Variants in ERBB4 observed in about 807,000 individuals in gnomAD.
ERBB4 encodes receptor tyrosine-protein kinase erbB-4.
A neutral mutation model predicts 158.0 loss-of-function variants in ERBB4; 42 were observed. That is an observed-to-expected ratio of 0.27 (90% CI 0.21 to 0.34). The LOEUF (loss-of-function observed/expected upper bound fraction) is 0.34. Among genes scored for constraint, ERBB4 ranks in the 10% least tolerant of loss-of-function variants. The pLI, the probability that ERBB4 is intolerant of heterozygous loss-of-function variation, is 1.00. For missense variants in ERBB4, 1,333 were observed against 1,624.1 expected (o/e 0.82, Z 3.08); for synonymous variants, 583 against 558.7 (o/e 1.04, Z -0.61).
chr2:212,221,058 C>A (rs1176242030), intron 1 of ERBB4, among the ~76,000 whole-genome samples: 1 of 151,460 alleles, frequency 6.6e-6, no homozygotes, highest in African/African-American at 2.4e-5. Flanking sequence ...TACTTAGAGA[C>A]TTCTGAAAGA....
intron 1 of ERBB4, among the ~76,000 whole-genome samples, chr2:212,388,248 A>T (rs1324211174): frequency 1.3e-5 from 2 of 152,170 alleles, no homozygotes; most frequent in African/African-American, 2.4e-5. Context: ...GTAGCTGTTA[A>T]CTCAGAAGTA....
chr2:212,425,667 T>G (rs1180513653), intron 1 of ERBB4, among the ~76,000 whole-genome samples: 2 of 151,914 alleles, frequency 1.3e-5, no homozygotes, highest in East Asian at 3.9e-4. Context: ...AAATTCATCA[T>G]TCCTCCATCT....
At chr2:211,513,374 A>AC (rs2065935660) in intron 20 of ERBB4, among the ~76,000 whole-genome samples, 1 of 75,882 alleles carries the variant, frequency 1.3e-5, no homozygotes, top group African/African-American at 4.1e-5. Context: ...AAAAAAAAAA[A>AC]AACAAAAAAA....
At chr2:212,151,504 G>A (rs2080868462) in intron 1 of ERBB4, among the ~76,000 whole-genome samples, 1 of 151,460 alleles carries the variant, frequency 6.6e-6, no homozygotes, top group Non-Finnish European at 1.5e-5. Flanking sequence ...CAAGATTTGA[G>A]TGGGAATTTT....
At chr2:211,412,309 TG>T (rs1436470888) in intron 25 of ERBB4, among the ~76,000 whole-genome samples, 9 of 152,216 alleles carry the variant, frequency 5.9e-5, no homozygotes, top group African/African-American at 2.2e-4. Context: ...TCTTCACCTT[TG>T]TTTGTGGTGG....
At chr2:212,169,516 C>T (rs1475909703) in intron 1 of ERBB4, among the ~76,000 whole-genome samples, 1 of 152,024 alleles carries the variant, frequency 6.6e-6, no homozygotes, top group Non-Finnish European at 1.5e-5. Flanking sequence ...CAACTCAAGA[C>T]AGATTAAAGA....
At chr2:212,114,138 T>C (rs111368323) in intron 2 of ERBB4, among the ~76,000 whole-genome samples, 2 of 152,272 alleles carry the variant, frequency 1.3e-5, no homozygotes, top group Admixed American at 6.5e-5. Context: ...GTTGACAGAA[T>C]TTACAAATAC....
intron 1 of ERBB4, among the ~76,000 whole-genome samples, chr2:212,219,766 T>C (rs2083231067): frequency 6.6e-6 from 1 of 151,266 alleles, no homozygotes; most frequent in African/African-American, 2.4e-5. Flanking sequence ...GTAGTGTAAA[T>C]TGTGTGCATG....
intron 3 of ERBB4, among the ~76,000 whole-genome samples, chr2:211,829,268 A>G (rs2077169336): frequency 6.6e-6 from 1 of 152,146 alleles, no homozygotes; most frequent in African/African-American, 2.4e-5. Flanking sequence ...TTGCGTCCAT[A>G]TATAACATAC....
intron 1 of ERBB4, among the ~76,000 whole-genome samples, chr2:212,446,578 CAT>C (rs1491199974): frequency 1.7e-5 from 1 of 57,210 alleles, no homozygotes; most frequent in South Asian, 4.8e-4. Context: ...AATAAACTCC[CAT>C]ATATATATAT....
chr2:212,084,820 T>C (rs977821459), intron 2 of ERBB4, among the ~76,000 whole-genome samples: 6 of 151,914 alleles, frequency 3.9e-5, no homozygotes, highest in Admixed American at 3.3e-4. Flanking sequence ...TTTAAAAATA[T>C]ACACAAAAAC....
At chr2:212,279,568 T>G (rs1445869569) in intron 1 of ERBB4, among the ~76,000 whole-genome samples, 1 of 151,642 alleles carries the variant, frequency 6.6e-6, no homozygotes, top group Non-Finnish European at 1.5e-5. Flanking sequence ...TTTATCTTGT[T>G]TCTATTTATC....
intron 1 of ERBB4, among the ~76,000 whole-genome samples, chr2:212,339,786 T>A (rs2088614518): frequency 6.6e-6 from 1 of 152,052 alleles, no homozygotes; most frequent in Non-Finnish European, 1.5e-5. Flanking sequence ...ACATTAAAAA[T>A]ATGCTTTTTT....
At chr2:211,634,099 C>CA (rs2070261958) in intron 16 of ERBB4, among the ~76,000 whole-genome samples, 2 of 152,294 alleles carry the variant, frequency 1.3e-5, no homozygotes, top group East Asian at 3.9e-4. Context: ...GTGAAGGTTG[C>CA]AATGAGTATT....
chr2:212,342,575 T>A (rs1005457274), intron 1 of ERBB4, among the ~76,000 whole-genome samples: 2 of 152,268 alleles, frequency 1.3e-5, no homozygotes, highest in African/African-American at 2.4e-5. Context: ...AATACAACAA[T>A]GATGCTGGAA....
chr2:212,064,794 G>A (rs1263723262), intron 2 of ERBB4, among the ~76,000 whole-genome samples: 1 of 151,882 alleles, frequency 6.6e-6, no homozygotes. Flanking sequence ...GAGAAAGGAG[G>A]ATAGCATAAA....
intron 3 of ERBB4, among the ~76,000 whole-genome samples, chr2:211,890,777 T>C (rs1419909846): frequency 1.6e-5 from 2 of 121,856 alleles, no homozygotes; most frequent in Admixed American, 1.6e-4. Flanking sequence ...TAAAACAGAC[T>C]TTAAACCAAC....
At chr2:211,989,768 G>A (rs2082026065) in intron 2 of ERBB4, among the ~76,000 whole-genome samples, 1 of 151,888 alleles carries the variant, frequency 6.6e-6, no homozygotes, top group South Asian at 2.1e-4. Flanking sequence ...TAAAAAATGA[G>A]TCTTCAGTGA....
At chr2:212,427,544 T>C (rs116301299) in intron 1 of ERBB4, among the ~76,000 whole-genome samples, 160 of 152,262 alleles carry the variant, frequency 1.1e-3, no homozygotes, top group Middle Eastern at 6.8e-3. Context: ...TATGAGATAG[T>C]TTTTATGCCA....
Sources: gnomAD v4.1 joint callset for allele counts (sites outside exome capture counted in the v4.1 genomes callset) on GRCh38, gnomAD v4.1.1 for gene constraint, MANE v1.5 for transcripts, NCBI Gene and HGNC (gene_info 2026-07-23, HGNC 2026-07-21) for gene names.